Variants in CDKAL1 observed in about 807,000 individuals in gnomAD.
The protein encoded by CDKAL1 is threonylcarbamoyladenosine tRNA methylthiotransferase.
CDKAL1 carries 32 observed loss-of-function variants against 68.2 expected under a neutral mutation model. The observed-to-expected ratio is 0.47, with a 90% confidence interval of 0.35 to 0.63. CDKAL1 has a LOEUF of 0.63. Ranked by LOEUF, CDKAL1 falls within the 30% of genes least tolerant of loss-of-function variation. CDKAL1 has a pLI of 0.00. For missense variants in CDKAL1, 606 were observed against 696.7 expected (o/e 0.87, Z 1.47); for synonymous variants, 234 against 244.3 (o/e 0.96, Z 0.39).
chr6:21,022,733 G>A (rs1259417363), intron 11 of CDKAL1, among the ~76,000 whole-genome samples: 1 of 152,144 alleles, frequency 6.6e-6, no homozygotes, highest in Non-Finnish European at 1.5e-5. Flanking sequence ...CTTCATCCCT[G>A]TCATGCGCAT....
chr6:20,777,326 A>G (rs891573390), intron 7 of CDKAL1, among the ~76,000 whole-genome samples: 2 of 152,244 alleles, frequency 1.3e-5, no homozygotes, highest in African/African-American at 2.4e-5. Flanking sequence ...TTAAAAAACA[A>G]CATAGGCCAG....
chr6:21,133,832 AAGAG>A (rs1465808470), intron 13 of CDKAL1, among the ~76,000 whole-genome samples: 1 of 152,240 alleles, frequency 6.6e-6, no homozygotes, highest in Non-Finnish European at 1.5e-5. Flanking sequence ...TTGAAGAATT[AAGAG>A]AAAGAAGGCC....
intron 7 of CDKAL1, among the ~76,000 whole-genome samples, chr6:20,773,692 T>C (rs1310306710): frequency 1.3e-5 from 2 of 151,710 alleles, no homozygotes; most frequent in Non-Finnish European, 1.5e-5. Flanking sequence ...GGACTACAGG[T>C]GCCTGCCACC....
At position 21,208,728 on chromosome 6, in the gene CDKAL1, A is replaced by G. The variant is rs548382440; in HGVS notation, c.1548+7454A>G. On this transcript the variant is annotated intron_variant, in intron 15 of 15. Transcript: ENST00000274695. ...TTTATGCATTTTTCTTTCATTTTGTATCTTGTTAGTTTCTTTTACAGACTG... is the reference window on the plus strand; with the variant it reads ...TTTATGCATTTTTCTTTCATTTTGTGTCTTGTTAGTTTCTTTTACAGACTG... Among the ~76,000 whole-genome samples, 15 of 152,220 alleles carry G rather than the reference A, an allele frequency of 9.9e-5. 1 individual carries two copies. The East Asian group carries it at 2.9e-3, about 29-fold the overall frequency.
At chr6:20,811,701 C>T (rs938958165) in intron 8 of CDKAL1, among the ~76,000 whole-genome samples, 2 of 151,734 alleles carry the variant, frequency 1.3e-5, no homozygotes, top group Middle Eastern at 3.4e-3. Flanking sequence ...CATGTCTACT[C>T]CTCTTACTTT....
At chr6:21,107,022 A>T (rs1436567598) in intron 12 of CDKAL1, among the ~76,000 whole-genome samples, 1 of 143,682 alleles carries the variant, frequency 7.0e-6, no homozygotes, top group Non-Finnish European at 1.5e-5. Context: ...ATCTCGGCTC[A>T]CTGCAAGCTC....
chr6:21,148,391 GTATTAATCACC>G (rs1284618399), intron 13 of CDKAL1, among the ~76,000 whole-genome samples: 1 of 152,102 alleles, frequency 6.6e-6, no homozygotes, highest in Non-Finnish European at 1.5e-5. Context: ...CTAGTAGAAA[GTATTAATCACC>G]TATTAATCAC....
chr6:20,853,402 CAAAAAAAAAAA>C (rs1759131505), intron 9 of CDKAL1, among the ~76,000 whole-genome samples: 7 of 34,406 alleles, frequency 2.0e-4, no homozygotes, highest in Admixed American at 8.5e-4. Flanking sequence ...AAAAAAAAAA[CAAAAAAAAAAA>C]CCCTATATGA....
chr6:21,224,831 A>G (rs1244219527), intron 15 of CDKAL1, among the ~76,000 whole-genome samples: 1 of 152,154 alleles, frequency 6.6e-6, no homozygotes, highest in East Asian at 1.9e-4. Flanking sequence ...TTTCCCTAGT[A>G]ACCCTATTTC....
At chr6:21,111,749 T>A (rs1341404645) in intron 13 of CDKAL1, among the ~76,000 whole-genome samples, 1 of 152,230 alleles carries the variant, frequency 6.6e-6, no homozygotes. Context: ...GAATTTCATT[T>A]TTGTTTGTTG....
At chr6:20,924,383 A>G (rs1236536156) in intron 9 of CDKAL1, among the ~76,000 whole-genome samples, 1 of 151,370 alleles carries the variant, frequency 6.6e-6, no homozygotes, top group Non-Finnish European at 1.5e-5. Context: ...GATTAAGCTT[A>G]GTAAGGAAGG....
At chr6:20,705,003 T>C (rs1771533793) in intron 5 of CDKAL1, among the ~76,000 whole-genome samples, 1 of 152,230 alleles carries the variant, frequency 6.6e-6, no homozygotes, top group African/African-American at 2.4e-5. Flanking sequence ...AATAATTTCT[T>C]ATTGTACTTG....
intron 5 of CDKAL1, among the ~76,000 whole-genome samples, chr6:20,651,220 CTT>C (rs1301097293): frequency 3.9e-5 from 6 of 152,064 alleles, no homozygotes; most frequent in Non-Finnish European, 8.8e-5. Context: ...TGTTTCCTCT[CTT>C]ATTTCCTTGG....
At chr6:21,066,377 A>C (rs924876171) in intron 12 of CDKAL1, among the ~76,000 whole-genome samples, 1 of 152,212 alleles carries the variant, frequency 6.6e-6, no homozygotes, top group Non-Finnish European at 1.5e-5. Context: ...GCAGATTGTA[A>C]CACCACAAAT....
intron 13 of CDKAL1, among the ~76,000 whole-genome samples, chr6:21,142,173 C>T (rs1277779906): frequency 6.6e-6 from 1 of 152,092 alleles, no homozygotes; most frequent in Non-Finnish European, 1.5e-5. Flanking sequence ...CAGAAATTTG[C>T]TGCCAGTTCC....
chr6:20,863,256 T>A (rs1759740237), intron 9 of CDKAL1, among the ~76,000 whole-genome samples: 1 of 152,080 alleles, frequency 6.6e-6, no homozygotes, highest in Non-Finnish European at 1.5e-5. Flanking sequence ...TGTATTTTGG[T>A]CTCAGTTCTC....
intron 4 of CDKAL1, among the ~76,000 whole-genome samples, chr6:20,589,551 T>G (rs575295824): frequency 6.6e-6 from 1 of 152,216 alleles, no homozygotes; most frequent in Non-Finnish European, 1.5e-5. Flanking sequence ...CAGGGAACGT[T>G]CCAGGATCTT....
chr6:20,776,865 G>T (rs1432027853), intron 7 of CDKAL1, among the ~76,000 whole-genome samples: 3 of 152,186 alleles, frequency 2.0e-5, no homozygotes, highest in Admixed American at 1.3e-4. Flanking sequence ...CCTCTATTCG[G>T]TGAGTAAGGT....
At chr6:20,846,810 G>A (rs1778392299) in intron 9 of CDKAL1, among the ~76,000 whole-genome samples, 1 of 152,162 alleles carries the variant, frequency 6.6e-6, no homozygotes, top group African/African-American at 2.4e-5. Context: ...TTTAACATGA[G>A]TGACAGTTGT....
Sources: allele counts gnomAD v4.1 joint callset (sites outside exome capture counted in the v4.1 genomes callset), GRCh38; gene constraint gnomAD v4.1.1; transcripts MANE v1.5; gene names NCBI Gene and HGNC (gene_info 2026-07-23, HGNC 2026-07-21).